Variants in CHRM3 observed in about 807,000 individuals in gnomAD.
CHRM3 encodes muscarinic acetylcholine receptor M3.
In CHRM3, 11 loss-of-function variants were observed where a neutral mutation model predicts 41.8. The observed-to-expected ratio is 0.26, with a 90% CI of 0.17 to 0.44. The LOEUF is 0.44. Ranked by LOEUF, CHRM3 falls within the 20% of genes least tolerant of loss-of-function variation. CHRM3 has a pLI of 1.00. For missense variants in CHRM3, 571 were observed against 745.4 expected (o/e 0.77, Z 2.72); for synonymous variants, 297 against 301.4 (o/e 0.99, Z 0.15).
At chr1:239,462,579 G>A (rs1665439263) in intron 1 of CHRM3, among the ~76,000 whole-genome samples, 1 of 152,094 alleles carries the variant, frequency 6.6e-6, no homozygotes, top group South Asian at 2.1e-4. Flanking sequence ...TTGACTAGAA[G>A]TTAACTTTTC....
chr1:239,562,817 G>T (rs1484275670), intron 3 of CHRM3, among the ~76,000 whole-genome samples: 2 of 151,436 alleles, frequency 1.3e-5, no homozygotes, highest in Non-Finnish European at 2.9e-5. Context: ...GAAACTGGAA[G>T]GTGGAGGTTA....
intron 6 of CHRM3, among the ~76,000 whole-genome samples, chr1:239,843,929 T>C (rs1374099030): frequency 6.6e-6 from 1 of 152,150 alleles, no homozygotes; most frequent in African/African-American, 2.4e-5. Flanking sequence ...GATACATACA[T>C]ACGTGTCTAT....
intron 3 of CHRM3, among the ~76,000 whole-genome samples, chr1:239,554,587 C>T (rs1035449081): frequency 6.6e-6 from 1 of 151,996 alleles, no homozygotes; most frequent in African/African-American, 2.4e-5. Flanking sequence ...AGCAAAATTG[C>T]ATTCAACTTT....
At chr1:239,470,398 A>T (rs1445137186) in intron 1 of CHRM3, among the ~76,000 whole-genome samples, 1 of 152,158 alleles carries the variant, frequency 6.6e-6, no homozygotes, top group Non-Finnish European at 1.5e-5. Flanking sequence ...TAAGCCACCC[A>T]GTTTGTGGTA....
intron 5 of CHRM3, among the ~76,000 whole-genome samples, chr1:239,684,204 T>C (rs1658847620): frequency 6.6e-6 from 1 of 152,126 alleles, no homozygotes; most frequent in Admixed American, 6.6e-5. Flanking sequence ...TTTAATCTGC[T>C]TGACTAATTT....
chr1:239,699,872 A>G (rs540554456), intron 5 of CHRM3, among the ~76,000 whole-genome samples: 10 of 152,160 alleles, frequency 6.6e-5, no homozygotes, highest in Non-Finnish European at 1.3e-4. Flanking sequence ...AAAACTCTCT[A>G]AATTATTAGT....
intron 5 of CHRM3, among the ~76,000 whole-genome samples, chr1:239,775,115 T>C (rs1192684256): frequency 6.6e-6 from 1 of 152,196 alleles, no homozygotes; most frequent in African/African-American, 2.4e-5. Context: ...TAGTCTGTCT[T>C]ATCTAACTTG....
At chr1:239,449,734 G>GT (rs1664425127) in intron 1 of CHRM3, among the ~76,000 whole-genome samples, 2 of 135,542 alleles carry the variant, frequency 1.5e-5, no homozygotes, top group East Asian at 4.0e-4. Context: ...TCACATTCTG[G>GT]TGTGTGTGTG....
intron 6 of CHRM3, among the ~76,000 whole-genome samples, chr1:239,874,666 G>C (rs1209908213): frequency 6.6e-6 from 1 of 150,994 alleles, no homozygotes. Context: ...TTACCAGGTT[G>C]GTGCAAAAGT....
intron 1 of CHRM3, among the ~76,000 whole-genome samples, chr1:239,404,410 A>AAGAGAAAGAAAGAAAGAAGG (rs1210507333): frequency 4.4e-4 from 23 of 51,766 alleles, no homozygotes; most frequent in African/African-American, 1.4e-3. Flanking sequence ...GAAAGAAAGA[A>AAGAGAAAGAAAGAAAGAAGG]AAAGAAAGAA....
intron 1 of CHRM3, among the ~76,000 whole-genome samples, chr1:239,434,592 A>G (rs1370706748): frequency 2.0e-5 from 3 of 151,836 alleles, no homozygotes; most frequent in Admixed American, 6.6e-5. Context: ...CTTATTTACC[A>G]CTCTCCCAGT....
chr1:239,546,682 C>G (rs554449969), intron 3 of CHRM3: 1 of 152,228 alleles, frequency 6.6e-6, no homozygotes, highest in African/African-American at 2.4e-5. Flanking sequence ...CCAATCCCCA[C>G]CAACCATAAG....
intron 2 of CHRM3, among the ~76,000 whole-genome samples, chr1:239,518,556 A>G (rs999384950): frequency 1.3e-5 from 2 of 152,182 alleles, no homozygotes; most frequent in East Asian, 3.8e-4. Context: ...GACCCCTTCA[A>G]TTTTTCTATA....
chr1:239,828,736 T>C (rs749085852), intron 6 of CHRM3, among the ~76,000 whole-genome samples: 3 of 152,110 alleles, frequency 2.0e-5, no homozygotes, highest in Non-Finnish European at 4.4e-5. Flanking sequence ...AGAATATCAA[T>C]GCAGATTTTG....
rs758807293 is a variant in CHRM3 at position 239,394,670 on chromosome 1, T to C, written c.-521+7443T>C. 2.6e-5 allele frequency among the ~76,000 whole-genome samples: 4 copies of C among 151,818 alleles called. No individual in the cohort carries two copies. The South Asian group carries it at 6.3e-4, about 24-fold the overall frequency. ...GAGAAATTAACACTCACCAGGGGGG[T>C]CATTCCATTTTCACAGAGCAGTGAG... On this transcript the variant is annotated intron_variant, in intron 1 of 6. Transcript: ENST00000676153.
At chr1:239,576,724 G>A (rs1209493859) in intron 3 of CHRM3, among the ~76,000 whole-genome samples, 1 of 151,690 alleles carries the variant, frequency 6.6e-6, no homozygotes, top group African/African-American at 2.4e-5. Context: ...GTTTGGGGCT[G>A]CAGTGCAGTG....
chr1:239,473,438 G>GAT (rs1242127774), intron 1 of CHRM3, among the ~76,000 whole-genome samples: 1 of 152,142 alleles, frequency 6.6e-6, no homozygotes, highest in East Asian at 1.9e-4. Flanking sequence ...TCATATAAGT[G>GAT]ATAGTTCATT....
At chr1:239,547,956 C>G (rs2148423227) in intron 3 of CHRM3, among the ~76,000 whole-genome samples, 1 of 151,434 alleles carries the variant, frequency 6.6e-6, no homozygotes, top group African/African-American at 2.4e-5. Flanking sequence ...TTTGGACTGT[C>G]ACCATGTTTA....
intron 6 of CHRM3, among the ~76,000 whole-genome samples, chr1:239,846,436 A>G (rs1468819394): frequency 6.6e-6 from 1 of 152,226 alleles, no homozygotes; most frequent in East Asian, 1.9e-4. Flanking sequence ...AATTGCCTCA[A>G]TATCACAGAA....
Sources: allele counts gnomAD v4.1 joint callset (sites outside exome capture counted in the v4.1 genomes callset), GRCh38; gene constraint gnomAD v4.1.1; transcripts MANE v1.5; gene names NCBI Gene and HGNC (gene_info 2026-07-23, HGNC 2026-07-21).